The following KRT6B variants were observed in gnomAD, a reference collection of about 807,000 sequenced individuals.
KRT6B encodes keratin 6B.
Under a neutral mutation model 44.7 loss-of-function variants are expected in KRT6B, and 29 were observed. The observed-to-expected ratio is 0.65, with a 90% confidence interval of 0.48 to 0.88. KRT6B has a LOEUF of 0.88. KRT6B is among the 40% of genes least tolerant of loss of function. The probability of loss-of-function intolerance (pLI) is 0.00; values close to 1 mark genes in which losing one functional copy is unlikely to be tolerated. For synonymous variants in KRT6B, 213 were observed against 296.0 expected, an observed-to-expected ratio of 0.72 and a Z score of 2.88; for missense variants, 600 against 724.0, an observed-to-expected ratio of 0.83 and a Z score of 1.97.
At chr12:52,449,135 C>T (rs1278740921) in intron 5 of KRT6B, among the ~76,000 whole-genome samples, 168 bp from the exon 6 acceptor site, 3 of 152,130 alleles carry the variant, frequency 2.0e-5, no homozygotes, top group African/African-American at 4.8e-5. Context: ...ACACTGGAGT[C>T]ACAGACCATC....
rs1940333145 is a variant in KRT6B, at chr12:52,447,695, G to A, written c.1424+83C>T. On this transcript the variant is annotated intron_variant, in intron 7 of 8. Coordinates refer to ENST00000252252, the MANE Select transcript of KRT6B (RefSeq NM_005555.4). The stretch of plus-strand genomic sequence containing the variant: ...CCCAAGAAGAGCAATTATGGCCTTG[G>A]GCAGTGCACCTTAAAGTTGTGCTCA... 3.1e-6 allele frequency: 5 copies of A among 1,613,856 alleles called. No individual in the cohort carries two copies. The African/African-American group carries it at 4.0e-5, about 13-fold the overall frequency.
chr12:52,448,108 T>A, intron 6 of KRT6B, 110 bp from the exon 7 acceptor site: 1 of 1,370,422 alleles, frequency 7.3e-7, no homozygotes, highest in Non-Finnish European at 1.0e-6. Context: ...GAACTGATGG[T>A]AAATGAGCTC....
chr12:52,450,674 T>C (rs1940389353), intron 1 of KRT6B, 54 bp from the exon 2 acceptor site: 2 of 1,613,636 alleles, frequency 1.2e-6, no homozygotes, highest in Admixed American at 1.7e-5. Context: ...AGAGAAAGTG[T>C]CTGGTATCCA....
chr12:52,450,707 C>A, intron 1 of KRT6B, 87 bp from the exon 2 acceptor site: 1 of 1,591,326 alleles, frequency 6.3e-7, no homozygotes, highest in East Asian at 2.2e-5. Context: ...TCTGGGAGGT[C>A]CCCATGGTGC....
rs1940319388 is a variant in KRT6B at position 52,446,900 on chromosome 12, G to A, written c.*290C>T. The A allele has an allele frequency of 2.0e-6, 1 of 490,596 alleles. No homozygotes were observed. The allele number at this position is 490,596 out of a possible 1,614,324, so 30.4% of individuals were successfully genotyped here. On this transcript the variant is annotated 3_prime_UTR_variant, in exon 9 of 9. Coordinates refer to ENST00000252252, the MANE Select transcript of KRT6B (RefSeq NM_005555.4). ...CCTAGACTGAGTTTCAGTTCTTATG[G>A]GGATATAGGTCATTTTCTTCTCAGA...
chr12:52,448,376 A>T (rs1940346143), intron 6 of KRT6B, among the ~76,000 whole-genome samples: 1 of 152,204 alleles, frequency 6.6e-6, no homozygotes, highest in Admixed American at 6.5e-5. Flanking sequence ...GAGTTTTCAC[A>T]TGAGGCTGTT....
intron 6 of KRT6B, among the ~76,000 whole-genome samples, chr12:52,448,596 C>T (rs1319246822): frequency 1.3e-5 from 2 of 152,164 alleles, no homozygotes; most frequent in African/African-American, 4.8e-5. Flanking sequence ...CCTTCCAATG[C>T]CTCTAGACTA....
Position 52,449,959 on chromosome 12 carries a change from G to A in KRT6B, c.816+53C>T, listed in dbSNP as rs571489073. On this transcript the variant is annotated intron_variant, in intron 3 of 8. Transcript: ENST00000252252. The stretch of plus-strand genomic sequence containing the variant: ...CCTCTCCCAGGGGAGCGAGGACACA[G>A]AGCCACTTCTCTCCTTCTAAATGAA... The A allele has an allele frequency of 5.3e-5, 85 of 1,613,840 alleles. No homozygotes were observed. In the South Asian group the frequency reaches 7.5e-4, roughly 14 times the overall value.
Position 52,447,071 on chromosome 12 carries a change from G to T in KRT6B, c.*119C>A. 2.3e-6 allele frequency: 3 copies of T among 1,308,550 alleles called. No homozygotes were observed. Among genetic ancestry groups the T allele is most frequent in the Non-Finnish European group, 3.2e-6 (3 of 939,348 alleles). The allele number at this position is 1,308,550 out of a possible 1,614,324, so 81.1% of individuals were successfully genotyped here. A position where few individuals can be genotyped will look rare whatever the true frequency, so the allele number is the denominator to read the frequency against. ...TGAGAAGAAAAGTGAGGGCATCCCA[G>T]CTCTACCCGGGAGGGCAGGGGAGAC... On this transcript the variant is annotated 3_prime_UTR_variant, in exon 9 of 9. Transcript: ENST00000252252.
rs139925091 is a variant in KRT6B at position 52,450,574 on chromosome 12, G to A, written c.587C>T (p.Thr196Ile). The change falls in exon 2 of 9, where the codon ACC becomes ATC. Residue 196 changes from threonine (T) to isoleucine (I), a missense_variant. Physicochemically the swap from Thr to Ile is moderately conservative, Grantham distance 89. Around this residue, in one of 4 missense-constraint regions of KRT6B, gnomAD observed 31 missense variants for 79.0 expected, o/e 0.39. Coordinates refer to ENST00000252252, the MANE Select transcript of KRT6B (RefSeq NM_005555.4). ...QQNKVLDTKW[T>I]LLQEQGTKTV... is the part of the protein sequence containing the mutation. Reference sequence around the variant, plus strand: ...CTTGGTGCCCTGCTCCTGCAGCAGGGTCCACTTGGTGTCCAGAACCTTGTT... The same window carrying A: ...CTTGGTGCCCTGCTCCTGCAGCAGGATCCACTTGGTGTCCAGAACCTTGTT... 1.2e-3 allele frequency: 1,916 copies of A among 1,614,196 alleles called. 5 individuals are homozygous for A. The highest frequency in any genetic ancestry group is 1.4e-3 in the Non-Finnish European group (1,655 of 1,180,018).
At position 52,450,446 on chromosome 12, in the gene KRT6B, G is replaced by A. The variant is rs1430020397; in HGVS notation, c.715C>T (p.Leu239=). Residue 239 remains leucine (L), a synonymous_variant, in exon 2 of 9, where the codon CTG becomes TTG. Coordinates refer to ENST00000252252, the MANE Select transcript of KRT6B (RefSeq NM_005555.4). ...TCCACCAGGTCCTGCATGTTTCTCA[G>A]CTCCGAGTCCAGACGACCCCGTTCC... ...VGERGRLDSE[L]RNMQDLVEDL... The A allele has an allele frequency of 3.1e-6, 5 of 1,614,178 alleles. No individual in the cohort carries two copies. The highest frequency in any genetic ancestry group is 3.3e-5 in the Admixed American group (2 of 60,032).
At position 52,447,558 on chromosome 12, in the gene KRT6B, G is replaced by C. The variant is rs373899186; in HGVS notation, c.1440C>G (p.Gly480=). 6.2e-7 allele frequency: 1 copy of C among 1,614,018 alleles called. No individual in the cohort carries two copies. The highest frequency in any genetic ancestry group is 8.5e-7 in the Non-Finnish European group (1 of 1,179,870). The change falls in exon 8 of 9, where the codon GGC becomes GGG. Residue 480 remains glycine, a synonymous_variant. Coordinates refer to ENST00000252252, the MANE Select transcript of KRT6B (RefSeq NM_005555.4). The part of the protein sequence containing the change: ...EGEECRLNGE[G]VGQVNISVVQ... The stretch of plus-strand genomic sequence containing the variant: ...ACTTACAGATGTTGACTTGTCCAAC[G>C]CCTTCGCCATTCAGCCTGTGGAGAG...
At position 52,447,429 on chromosome 12, in the gene KRT6B, T is replaced by C; in HGVS notation, c.1460-4A>G. 1 of 1,613,836 alleles carries C rather than the reference T, an allele frequency of 6.2e-7. No individual in the cohort carries two copies. The highest frequency in any genetic ancestry group is 8.5e-7 in the Non-Finnish European group (1 of 1,179,918). On this transcript the variant is annotated splice_region_variant and splice_polypyrimidine_tract_variant and intron_variant, in intron 8 of 8. Coordinates refer to ENST00000252252, the MANE Select transcript of KRT6B (RefSeq NM_005555.4). ...GAGACGGTGGACTGCACTACAGCTG[T>C]GGTGGGGAGGGGACAAGGACACAAG...
At position 52,450,526 on chromosome 12, in the gene KRT6B, G is replaced by C; in HGVS notation, c.635C>G (p.Pro212Arg). The C allele has an allele frequency of 6.2e-7, 1 of 1,614,200 alleles. No homozygotes were observed. The change falls in exon 2 of 9, where the codon CCG (proline) becomes CGG (arginine). Residue 212 changes from proline (P) to arginine (R), a missense_variant. By Grantham distance (103) the Pro-to-Arg change is moderately radical. Coordinates refer to ENST00000252252, the MANE Select transcript of KRT6B (RefSeq NM_005555.4). ...GTTGTTGATGTACTGCTCGAACAAC[G>C]GCTCCAGGTTCTGCCTCACAGTCTT... Reference protein sequence around the residue: ...GTKTVRQNLEPLFEQYINNLR... With the variant: ...GTKTVRQNLERLFEQYINNLR...
Position 52,447,172 on chromosome 12 carries a change from A to T in KRT6B, c.*18T>A, listed in dbSNP as rs1449702567. The T allele has an allele frequency of 6.2e-7, 1 of 1,613,770 alleles. No homozygotes were observed. The highest frequency in any genetic ancestry group is 8.5e-7 in the Non-Finnish European group (1 of 1,179,940). The stretch of plus-strand genomic sequence containing the variant: ...GAGGGGCCTGAGAGCTGTGGGACTG[A>T]GAGCTGGCGGCAGCACTTCAGTGCT... On this transcript the variant is annotated 3_prime_UTR_variant, in exon 9 of 9. Coordinates refer to ENST00000252252, the MANE Select transcript of KRT6B (RefSeq NM_005555.4).
intron 5 of KRT6B, 59 bp from the exon 6 acceptor site, chr12:52,449,026 A>T: frequency 6.3e-7 from 1 of 1,581,632 alleles, no homozygotes; most frequent in Non-Finnish European, 8.7e-7. Flanking sequence ...GGGAGCGATG[A>T]CTTTCACTTG....
Position 52,448,003 on chromosome 12 carries a change from G to C in KRT6B, c.1204-5C>G. 6.2e-7 allele frequency: 1 copy of C among 1,614,130 alleles called. No individual in the cohort carries two copies. Among genetic ancestry groups the C allele is most frequent in the Non-Finnish European group, 8.5e-7 (1 of 1,180,008 alleles). On this transcript the variant is annotated splice_polypyrimidine_tract_variant and splice_region_variant and intron_variant, in intron 6 of 8. Transcript: ENST00000252252. The stretch of plus-strand genomic sequence containing the variant: ...GGCGGCCTGTAGGTTGGCACACTAG[G>C]AGGGCAAAGGAAGAGAAAGAACTTG...
In KRT6B at chr12:52,447,390, C is replaced by G; in HGVS notation, c.1495G>C (p.Gly499Arg). 6.2e-7 allele frequency: 1 copy of G among 1,614,014 alleles called. No homozygotes were observed. Among genetic ancestry groups the G allele is most frequent in the African/African-American group, 1.3e-5 (1 of 75,042 alleles). Residue 499 changes from glycine (G) to arginine (R), a missense_variant, in exon 9 of 9, where the codon GGT becomes CGT. Gly to Arg is a moderately radical substitution (Grantham distance 125). This residue lies in a region of KRT6B where 479 missense variants were observed against 454.2 expected (regional missense o/e 1.05). Transcript: ENST00000252252. ...VQSTVSSGYG[G>R]ASGVGSGLGL... The stretch of plus-strand genomic sequence containing the variant: ...AAGCCACTGCCGACACCGCTGGCAC[C>G]GCCATAGCCACTGGAGACGGTGGAC...
At chr12:52,448,060 G>A in intron 6 of KRT6B, 62 bp from the exon 7 acceptor site, 1 of 1,608,720 alleles carries the variant, frequency 6.2e-7, no homozygotes, top group Non-Finnish European at 8.5e-7. Flanking sequence ...AATAAACCTG[G>A]CTGGTTCTTT....
Sources: gnomAD v4.1 joint callset for allele counts (sites outside exome capture counted in the v4.1 genomes callset) on GRCh38, gnomAD v4.1.1 for gene constraint, gnomAD v4.1.1 regional missense constraint, MANE v1.5 for transcripts, NCBI Gene and HGNC (gene_info 2026-07-23, HGNC 2026-07-21) for gene names.